Variants in PRTG observed in about 807,000 individuals in gnomAD.
PRTG encodes protogenin, also known as immunoglobulin superfamily, DCC subclass, member 5.
A neutral mutation model predicts 122.5 loss-of-function variants in PRTG; 67 were observed. The observed-to-expected ratio is 0.55, with a 90% confidence interval of 0.45 to 0.67. The LOEUF (loss-of-function observed/expected upper bound fraction) is 0.67, where lower values mean the gene tolerates loss of function less well. PRTG is among the 30% of genes least tolerant of loss of function. PRTG has a pLI of 0.00. For synonymous variants in PRTG, 554 were observed against 501.1 expected (o/e 1.11, Z -1.41); for missense variants, 1,435 against 1,415.4 (o/e 1.01, Z -0.22).
chr15:55,624,075 T>G (rs904582031), intron 18 of PRTG, among the ~76,000 whole-genome samples: 4 of 152,268 alleles, frequency 2.6e-5, no homozygotes, highest in Non-Finnish European at 5.9e-5. Context: ...TAATCTCATC[T>G]AACTGAGATT....
intron 1 of PRTG, among the ~76,000 whole-genome samples, chr15:55,741,792 C>A (rs1201952800): frequency 1.3e-5 from 2 of 152,224 alleles, no homozygotes; most frequent in African/African-American, 4.8e-5. Context: ...CCCAGGGCGA[C>A]GCGAGCCACC....
chr15:55,740,195 A>G (rs1444254369), intron 2 of PRTG, among the ~76,000 whole-genome samples, 187 bp downstream of exon 2: 3 of 152,150 alleles, frequency 2.0e-5, no homozygotes, highest in African/African-American at 7.2e-5. Flanking sequence ...TCTGTTCTCA[A>G]TTACTCATTT....
chr15:55,720,906 G>A (rs1191218508), intron 2 of PRTG, among the ~76,000 whole-genome samples: 1 of 152,060 alleles, frequency 6.6e-6, no homozygotes, highest in Non-Finnish European at 1.5e-5. Flanking sequence ...GCTTGCTTTA[G>A]GTCATGCCTC....
chr15:55,715,456 A>G (rs554318354), intron 2 of PRTG, among the ~76,000 whole-genome samples: 1 of 152,350 alleles, frequency 6.6e-6, no homozygotes, highest in East Asian at 1.9e-4. Context: ...GCCTAAAAGC[A>G]GGAGCGTGAA....
intron 2 of PRTG, among the ~76,000 whole-genome samples, chr15:55,714,509 G>A (rs1471446635): frequency 6.6e-6 from 1 of 151,776 alleles, no homozygotes; most frequent in Admixed American, 6.6e-5. Flanking sequence ...GGGATTACAA[G>A]TGTGAGCCAC....
rs559494478 is a variant in PRTG at position 55,657,848 on chromosome 15, C to T, written c.2041+14597G>A. 2.4e-4 allele frequency among the ~76,000 whole-genome samples: 37 copies of T among 152,148 alleles called. 1 individual carries two copies. Among genetic ancestry groups the T allele is most frequent in the Admixed American group, 8.5e-4 (13 of 15,280 alleles). On this transcript the variant is annotated intron_variant, in intron 11 of 19. Transcript: ENST00000389286. ...TCTAGGTATATTCAATTTAAAATTA[C>T]TTTTTAAAAAATTATGATCAAATAC...
At chr15:55,669,968 A>C (rs2059459263) in intron 11 of PRTG, among the ~76,000 whole-genome samples, 4 of 152,252 alleles carry the variant, frequency 2.6e-5, no homozygotes, top group Non-Finnish European at 1.5e-5. Flanking sequence ...TAGCATACAC[A>C]GTGGATTTTA....
chr15:55,622,691 A>G (rs2059173771), intron 18 of PRTG, among the ~76,000 whole-genome samples: 1 of 150,404 alleles, frequency 6.6e-6, no homozygotes, highest in African/African-American at 2.5e-5. Context: ...GCGCCCGGCC[A>G]CACCTGGCTA....
At chr15:55,662,941 A>G (rs1003107821) in intron 11 of PRTG, among the ~76,000 whole-genome samples, 4 of 152,186 alleles carry the variant, frequency 2.6e-5, no homozygotes, top group Non-Finnish European at 4.4e-5. Context: ...AAACCCATAT[A>G]TTAAGCTGCT....
chr15:55,638,700 G>A, intron 13 of PRTG, 24 bp from the exon 14 acceptor site: 2 of 1,602,324 alleles, frequency 1.2e-6, no homozygotes, highest in Non-Finnish European at 1.7e-6. Flanking sequence ...TGATGAAGTT[G>A]TTAATGCTGG....
chr15:55,699,318 T>C (rs1446733626), intron 2 of PRTG, among the ~76,000 whole-genome samples: 1 of 152,168 alleles, frequency 6.6e-6, no homozygotes, highest in Non-Finnish European at 1.5e-5. Context: ...CTGGCACCCC[T>C]TCCAATGAAT....
At chr15:55,645,462 G>GGGACTA (rs1220179802) in intron 11 of PRTG, among the ~76,000 whole-genome samples, 1 of 135,546 alleles carries the variant, frequency 7.4e-6, no homozygotes, top group African/African-American at 2.6e-5. Flanking sequence ...AGTGGAAGGA[G>GGGACTA]GGACTAGAGC....
intron 2 of PRTG, among the ~76,000 whole-genome samples, chr15:55,712,141 T>C (rs577980353): frequency 6.6e-6 from 1 of 152,354 alleles, no homozygotes; most frequent in African/African-American, 2.4e-5. Flanking sequence ...AACTGCATCC[T>C]AGCCTTTTAA....
chr15:55,706,156 G>A (rs1260208780), intron 2 of PRTG, among the ~76,000 whole-genome samples: 2 of 151,302 alleles, frequency 1.3e-5, no homozygotes, highest in Admixed American at 1.3e-4. Context: ...CACTGCACCC[G>A]ACCTCTACTT....
At chr15:55,664,364 A>AACTC (rs1232691092) in intron 11 of PRTG, among the ~76,000 whole-genome samples, 2 of 152,032 alleles carry the variant, frequency 1.3e-5, no homozygotes, top group Non-Finnish European at 2.9e-5. Context: ...GCTGGTCTTG[A>AACTC]ACTCCCGACC....
At position 55,671,188 on chromosome 15, in the gene PRTG, C is replaced by T. The variant is rs189488909; in HGVS notation, c.2041+1257G>A. ...AGAGACTCAAATCTAATGCTGCTCA[C>T]ACAGCCTGTGCTACCATGAGTCCAG... On this transcript the variant is annotated intron_variant, in intron 11 of 19. Transcript: ENST00000389286. Among the ~76,000 whole-genome samples, 12 of 152,308 alleles carry T rather than the reference C, an allele frequency of 7.9e-5. No individual in the cohort carries two copies. In the East Asian group the frequency reaches 1.7e-3, roughly 22 times the overall value.
chr15:55,699,483 T>C (rs1046244425), intron 2 of PRTG, among the ~76,000 whole-genome samples: 2 of 152,184 alleles, frequency 1.3e-5, no homozygotes, highest in African/African-American at 2.4e-5. Context: ...TAACTCACAA[T>C]TGGCTATGAT....
chr15:55,652,468 A>G (rs957950520), intron 11 of PRTG, among the ~76,000 whole-genome samples: 3 of 152,150 alleles, frequency 2.0e-5, no homozygotes, highest in Non-Finnish European at 4.4e-5. Flanking sequence ...CTGCAGTCCA[A>G]CTGGAGAGCT....
rs1567067860 is a variant in PRTG at position 55,612,737 on chromosome 15, T to TATATATATATATATATATATACATATAC, written c.*7274_*7275insGTATATGTATATATATATATATATATAT. 2 of 54,324 alleles carry TATATATATATATATATATATACATATAC rather than the reference T, an allele frequency of 3.7e-5. No individual in the cohort carries two copies. The highest frequency in any genetic ancestry group is 2.3e-4 in the Admixed American group (1 of 4,270). The allele number at this position is 54,324 out of a possible 1,614,324, so 3.4% of individuals were successfully genotyped here. A position where few individuals can be genotyped will look rare whatever the true frequency, so the allele number is the denominator to read the frequency against. ...ATATATATATATATATATATATATA[T>TATATATATATATATATATATACATATAC]ATATATATATATGACTTAAATTGGA... On this transcript the variant is annotated 3_prime_UTR_variant, in exon 20 of 20. Coordinates refer to ENST00000389286, the MANE Select transcript of PRTG (RefSeq NM_173814.6).
Sources: allele counts gnomAD v4.1 joint callset (sites outside exome capture counted in the v4.1 genomes callset), GRCh38; gene constraint gnomAD v4.1.1; transcripts MANE v1.5; gene names NCBI Gene and HGNC (gene_info 2026-07-23, HGNC 2026-07-21).